The following LRPPRC variants were observed in gnomAD, a reference collection of about 807,000 sequenced individuals.
The protein encoded by LRPPRC is leucine rich pentatricopeptide repeat containing, also known as leucine-rich PPR motif-containing protein, mitochondrial.
LRPPRC carries 120 observed loss-of-function variants against 180.3 expected under a neutral mutation model. The observed-to-expected ratio is 0.67, with a 90% CI of 0.57 to 0.77. The LOEUF (loss-of-function observed/expected upper bound fraction) is 0.77, where lower values mean the gene tolerates loss of function less well. Among genes scored for constraint, LRPPRC ranks in the 30% least tolerant of loss-of-function variants. LRPPRC has a pLI of 0.00. For missense variants in LRPPRC, 2,012 were observed against 1,657.2 expected (o/e 1.21, Z -3.72); for synonymous variants, 723 against 600.0 (o/e 1.21, Z -3.00).
intron 3 of LRPPRC, among the ~76,000 whole-genome samples, chr2:43,977,529 G>A (rs762252366): frequency 6.6e-6 from 1 of 152,106 alleles, no homozygotes; most frequent in Non-Finnish European, 1.5e-5. Flanking sequence ...TCTTACTTAT[G>A]AAGCACAAAA....
At chr2:43,921,953 T>A (rs1671714519) in intron 27 of LRPPRC, among the ~76,000 whole-genome samples, 1 of 152,236 alleles carries the variant, frequency 6.6e-6, no homozygotes, top group Non-Finnish European at 1.5e-5. Context: ...TAGACTACTA[T>A]ACAAAGAAAC....
intron 2 of LRPPRC, among the ~76,000 whole-genome samples, chr2:43,980,960 A>G (rs1674280420): frequency 2.6e-5 from 4 of 152,224 alleles, no homozygotes; most frequent in African/African-American, 7.2e-5. Flanking sequence ...TTAAATGTAC[A>G]TAACTATAGT....
intron 25 of LRPPRC, among the ~76,000 whole-genome samples, chr2:43,930,436 C>T (rs760482792): frequency 6.6e-6 from 1 of 152,208 alleles, no homozygotes; most frequent in East Asian, 1.9e-4. Context: ...GGACCAGAAG[C>T]GTTCCAGATT....
Position 43,989,905 on chromosome 2 carries a change from AAC to A in LRPPRC, c.149+5892_149+5893del, listed in dbSNP as rs896517911. On this transcript the variant is annotated intron_variant, in intron 1 of 37. Coordinates refer to ENST00000260665, the MANE Select transcript of LRPPRC (RefSeq NM_133259.4). ...ATGTTTGTATGATGTTATGTTTACA[AAC>A]ACACTTTGAAAATAATAAACATCAG... Among the ~76,000 whole-genome samples the A allele has an allele frequency of 1.1e-4, 16 of 152,302 alleles. No individual in the cohort carries two copies. The East Asian group carries it at 2.1e-3, about 20-fold the overall frequency.
At chr2:43,893,198 C>A (rs1470339626) in intron 36 of LRPPRC, among the ~76,000 whole-genome samples, 1 of 152,178 alleles carries the variant, frequency 6.6e-6, no homozygotes, top group Non-Finnish European at 1.5e-5. Context: ...AAGGAATCTA[C>A]TCTTGGTAAA....
intron 25 of LRPPRC, 133 bp downstream of exon 25, chr2:43,934,057 C>A (rs566599152): frequency 3.4e-5 from 22 of 638,686 alleles, no homozygotes; most frequent in African/African-American, 5.5e-5. Flanking sequence ...GATCCCCCTC[C>A]CCCAACATTA....
At chr2:43,938,559 A>G (rs529984060) in intron 23 of LRPPRC, among the ~76,000 whole-genome samples, 2 of 152,292 alleles carry the variant, frequency 1.3e-5, no homozygotes, top group African/African-American at 4.8e-5. Context: ...GCTACTACAA[A>G]CTACAATTTT....
chr2:43,949,624 G>GC lies in LRPPRC; in HGVS notation c.1712dup (p.Cys571TrpfsTer17). 6.2e-7 allele frequency: 1 copy of GC among 1,613,894 alleles called. No homozygotes were observed. Among genetic ancestry groups the GC allele is most frequent in the Non-Finnish European group, 8.5e-7 (1 of 1,179,866 alleles). The stretch of plus-strand genomic sequence containing the variant: ...TACCCGTCGGTCCTCGAGGCTCCTG[G>GC]CAATAACGTCCATCCTTGTACAACA... On this transcript the variant is annotated frameshift_variant, in exon 16 of 38. Transcript: ENST00000260665. LOFTEE classifies it high-confidence loss of function.
intron 23 of LRPPRC, among the ~76,000 whole-genome samples, chr2:43,942,947 G>C (rs1002818166): frequency 6.6e-6 from 1 of 151,732 alleles, no homozygotes; most frequent in African/African-American, 2.4e-5. Flanking sequence ...AAACTAATTT[G>C]CCAGTGCAGT....
chr2:43,951,574 T>C (rs1356104239), intron 14 of LRPPRC, among the ~76,000 whole-genome samples: 1 of 152,156 alleles, frequency 6.6e-6, no homozygotes, highest in Non-Finnish European at 1.5e-5. Context: ...AAGTAAGTTC[T>C]GAGATATATA....
At chr2:43,973,944 C>CTG in intron 9 of LRPPRC, 44 bp from the exon 10 acceptor site, 1 of 1,251,916 alleles carries the variant, frequency 8.0e-7, no homozygotes, top group South Asian at 1.2e-5. Context: ...GGCAAACACC[C>CTG]CACCGTTTGA....
chr2:43,930,274 G>A (rs552450228), intron 25 of LRPPRC, among the ~76,000 whole-genome samples: 10 of 151,840 alleles, frequency 6.6e-5, no homozygotes, highest in Admixed American at 5.2e-4. Flanking sequence ...TCCGGAGAAA[G>A]GGTAAGTTAT....
At position 43,958,471 on chromosome 2, in the gene LRPPRC, A is replaced by C. The variant is rs115365844; in HGVS notation, c.1583-1020T>G. ...AAAAATAACAAATTAACCCACACAC[A>C]TAAGGAGAATTGTTTTAGATCAGCT... On this transcript the variant is annotated intron_variant, in intron 13 of 37. Transcript: ENST00000260665. Among the ~76,000 whole-genome samples, 3 of 152,316 alleles carry C rather than the reference A, an allele frequency of 2.0e-5. No individual in the cohort carries two copies. The East Asian group carries it at 5.8e-4, about 29-fold the overall frequency.
Position 43,977,289 on chromosome 2 carries a change from T to C in LRPPRC, c.470-13A>G, listed in dbSNP as rs201627660. On this transcript the variant is annotated splice_polypyrimidine_tract_variant and intron_variant, in intron 3 of 37. Transcript: ENST00000260665. The stretch of plus-strand genomic sequence containing the variant: ...TCATACACAGCACCTACAAATGAAA[T>C]TTAAAATGAATTTTTAGAAAAGCAT... 2.4e-5 allele frequency: 38 copies of C among 1,594,604 alleles called. No individual in the cohort carries two copies. The East Asian group carries it at 7.8e-4, about 33-fold the overall frequency.
At chr2:43,994,534 G>C (rs900105052) in intron 1 of LRPPRC, among the ~76,000 whole-genome samples, 3 of 152,184 alleles carry the variant, frequency 2.0e-5, no homozygotes, top group Non-Finnish European at 1.5e-5. Context: ...GAGATGTTAA[G>C]TAACTTCTCT....
chr2:43,942,195 G>A (rs1027206609), intron 23 of LRPPRC, among the ~76,000 whole-genome samples: 1 of 152,010 alleles, frequency 6.6e-6, no homozygotes, highest in African/African-American at 2.4e-5. Flanking sequence ...ACTTTTCTAC[G>A]ATGGCCTCAT....
intron 1 of LRPPRC, among the ~76,000 whole-genome samples, chr2:43,986,712 C>T (rs1674541692): frequency 6.6e-6 from 1 of 151,998 alleles, no homozygotes; most frequent in Admixed American, 6.6e-5. Flanking sequence ...CATTCTGAGA[C>T]GGTCTCATTC....
At chr2:43,942,360 G>A (rs1190091440) in intron 23 of LRPPRC, among the ~76,000 whole-genome samples, 1 of 152,086 alleles carries the variant, frequency 6.6e-6, no homozygotes, top group Non-Finnish European at 1.5e-5. Flanking sequence ...CTAATAGGAA[G>A]CATATTAATT....
At chr2:43,911,528 T>TA (rs1326781794) in intron 30 of LRPPRC, among the ~76,000 whole-genome samples, 5 of 140,296 alleles carry the variant, frequency 3.6e-5, no homozygotes, top group South Asian at 2.3e-4. Context: ...TTCTTCTTTT[T>TA]TTTTTTTTTT....
Sources: allele counts gnomAD v4.1 joint callset (sites outside exome capture counted in the v4.1 genomes callset), GRCh38; gene constraint gnomAD v4.1.1; transcripts MANE v1.5; gene names NCBI Gene and HGNC (gene_info 2026-07-23, HGNC 2026-07-21).